Variants in NDST3 observed in about 807,000 individuals in gnomAD.
NDST3 encodes bifunctional heparan sulfate N-deacetylase/N-sulfotransferase 3.
NDST3 carries 58 observed loss-of-function variants against 96.1 expected under a neutral mutation model. That is an observed-to-expected ratio of 0.60 (90% CI 0.49 to 0.75). The LOEUF (loss-of-function observed/expected upper bound fraction) is 0.75, where lower values mean the gene tolerates loss of function less well. Ranked by LOEUF, NDST3 falls within the 30% of genes least tolerant of loss-of-function variation. NDST3 has a pLI of 0.00. For synonymous variants in NDST3, 333 were observed against 359.7 expected (o/e 0.93, Z 0.84); for missense variants, 788 against 1,034.2 (o/e 0.76, Z 3.27).
intron 6 of NDST3, among the ~76,000 whole-genome samples, chr4:118,150,083 G>C (rs1420122707): frequency 4.6e-5 from 7 of 151,726 alleles, no homozygotes; most frequent in Non-Finnish European, 2.9e-5. Context: ...TATTGAACCA[G>C]CCTTGCATCC....
At chr4:118,200,946 A>G (rs1738038640) in intron 6 of NDST3, among the ~76,000 whole-genome samples, 1 of 152,128 alleles carries the variant, frequency 6.6e-6, no homozygotes, top group Admixed American at 6.6e-5. Flanking sequence ...CCCACTCCCA[A>G]GCTCGAGTAG....
intron 6 of NDST3, chr4:118,194,512 C>T: frequency 1.4e-6 from 1 of 720,444 alleles, no homozygotes; most frequent in South Asian, 1.4e-5. Context: ...CCCCTTTTCC[C>T]AGGTCAAAGG....
chr4:118,155,081 T>C (rs942507830), intron 6 of NDST3, among the ~76,000 whole-genome samples: 6 of 152,250 alleles, frequency 3.9e-5, no homozygotes, highest in Admixed American at 3.9e-4. Context: ...ATTGTATTGA[T>C]ATTACTTATA....
At chr4:118,248,464 A>G (rs1432821169) in intron 12 of NDST3, among the ~76,000 whole-genome samples, 1 of 152,216 alleles carries the variant, frequency 6.6e-6, no homozygotes, top group African/African-American at 2.4e-5. Context: ...GATATTCCAC[A>G]CAAGCTTTAG....
chr4:118,247,281 G>A (rs540994864), intron 12 of NDST3, among the ~76,000 whole-genome samples: 5 of 152,142 alleles, frequency 3.3e-5, no homozygotes, highest in Non-Finnish European at 7.4e-5. Flanking sequence ...GCCGGGCATG[G>A]TGACTCATTG....
In NDST3 at chr4:118,206,898, T is replaced by C. The variant is rs919883771; in HGVS notation, c.1540-17593T>C. On this transcript the variant is annotated intron_variant, in intron 6 of 13. Transcript: ENST00000296499. ...ATTTATCCTCAGATATATTTTCGAATGAGTGAAGTGATGCATATACCAAGT... is the reference window on the plus strand; with the variant it reads ...ATTTATCCTCAGATATATTTTCGAACGAGTGAAGTGATGCATATACCAAGT... Among the ~76,000 whole-genome samples, 19 of 143,342 alleles carry C rather than the reference T, an allele frequency of 1.3e-4. 2 individuals carry two copies. Among genetic ancestry groups the C allele is most frequent in the African/African-American group, 4.9e-4 (19 of 38,654 alleles). The allele number at this position is 143,342 out of a possible 152,430, so 94.0% of individuals were successfully genotyped here.
At chr4:118,082,755 G>A (rs1020898382) in intron 2 of NDST3, among the ~76,000 whole-genome samples, 1 of 152,074 alleles carries the variant, frequency 6.6e-6, no homozygotes, top group African/African-American at 2.4e-5. Context: ...TTCTCGCATT[G>A]CTATGAAGAA....
intron 2 of NDST3, among the ~76,000 whole-genome samples, chr4:118,096,852 G>C (rs1191875695): frequency 6.6e-6 from 1 of 151,928 alleles, no homozygotes; most frequent in Non-Finnish European, 1.5e-5. Flanking sequence ...TGAGAACCAG[G>C]AGAACTGGTA....
intron 4 of NDST3, among the ~76,000 whole-genome samples, chr4:118,126,980 T>C (rs191242663): frequency 6.6e-6 from 1 of 152,138 alleles, no homozygotes; most frequent in Admixed American, 6.6e-5. Flanking sequence ...CTGTTTGCCA[T>C]TTGTATGTAT....
chr4:118,179,453 T>C (rs1178974962), intron 6 of NDST3, among the ~76,000 whole-genome samples: 2 of 152,024 alleles, frequency 1.3e-5, no homozygotes, highest in Non-Finnish European at 2.9e-5. Context: ...TCTGCCATAA[T>C]TACTAGAAAT....
chr4:118,068,431 G>A lies in NDST3; in HGVS notation c.981+13540G>A, dbSNP rs549355734. Among the ~76,000 whole-genome samples, 9 of 152,112 alleles carry A rather than the reference G, an allele frequency of 5.9e-5. No individual in the cohort carries two copies. The East Asian group carries it at 7.7e-4, about 13-fold the overall frequency. On this transcript the variant is annotated intron_variant, in intron 2 of 13. Coordinates refer to ENST00000296499, the MANE Select transcript of NDST3 (RefSeq NM_004784.3). ...TTTTAAAGAAATGGTTCAAGAATTC[G>A]TCACTAGTTTCTTCTTAATCATTCT... is the stretch of plus-strand genomic sequence containing the variant.
rs1337335053 is a variant in NDST3 at position 118,066,215 on chromosome 4, C to T, written c.981+11324C>T. ...TATATATTATATTTTATATATTATA[C>T]ATAATATATTATATATATTATATAT... On this transcript the variant is annotated intron_variant, in intron 2 of 13. Coordinates refer to ENST00000296499, the MANE Select transcript of NDST3 (RefSeq NM_004784.3). Among the ~76,000 whole-genome samples the T allele has an allele frequency of 4.9e-3, 227 of 46,182 alleles. 30 individuals are homozygous for T. Among genetic ancestry groups the T allele is most frequent in the African/African-American group, 0.017 (180 of 10,560 alleles). 30.3% of individuals were successfully genotyped at this position (46,182 alleles called of 152,430 possible). A position where few individuals can be genotyped will look rare whatever the true frequency, so the allele number is the denominator to read the frequency against.
chr4:118,155,022 A>G (rs1324279784), intron 6 of NDST3, among the ~76,000 whole-genome samples: 1 of 152,224 alleles, frequency 6.6e-6, no homozygotes, highest in Non-Finnish European at 1.5e-5. Flanking sequence ...TGTCTAATGT[A>G]CTTTTAAAGA....
At chr4:118,242,248 T>C in intron 12 of NDST3, 99 bp downstream of exon 12, 1 of 688,500 alleles carries the variant, frequency 1.5e-6, no homozygotes, top group East Asian at 2.6e-5. Context: ...ACTTGTTCCT[T>C]ATATACTGGT....
chr4:118,041,427 T>C (rs1325394757), intron 1 of NDST3, among the ~76,000 whole-genome samples: 2 of 152,216 alleles, frequency 1.3e-5, no homozygotes, highest in African/African-American at 4.8e-5. Flanking sequence ...TGATGATGTG[T>C]TGACATTTAT....
chr4:118,238,155 AAAAGAAAG>A (rs552263074), intron 10 of NDST3, among the ~76,000 whole-genome samples: 17,071 of 90,668 alleles, frequency 0.19, 1,867 homozygotes, highest in African/African-American at 0.21. Context: ...GAAAAGAAAG[AAAAGAAAG>A]AAAGAAAGAA....
intron 4 of NDST3, among the ~76,000 whole-genome samples, chr4:118,131,456 ATC>A (rs1732608524): frequency 6.6e-6 from 1 of 151,836 alleles, no homozygotes; most frequent in Admixed American, 6.6e-5. Context: ...CATTATTTCA[ATC>A]TCTTTGTAAA....
At chr4:118,211,983 C>A (rs973013220) in intron 6 of NDST3, among the ~76,000 whole-genome samples, 1 of 152,156 alleles carries the variant, frequency 6.6e-6, no homozygotes, top group Non-Finnish European at 1.5e-5. Context: ...CTTTTATGGA[C>A]CCCTTCCACA....
intron 12 of NDST3, among the ~76,000 whole-genome samples, chr4:118,251,219 C>T (rs1424443320): frequency 2.7e-5 from 4 of 149,534 alleles, no homozygotes; most frequent in African/African-American, 7.3e-5. Flanking sequence ...CTCCGCCTCC[C>T]GGGTTCACGC....
Sources: allele counts gnomAD v4.1 joint callset (sites outside exome capture counted in the v4.1 genomes callset), GRCh38; gene constraint gnomAD v4.1.1; transcripts MANE v1.5; gene names NCBI Gene and HGNC (gene_info 2026-07-23, HGNC 2026-07-21).